Variants in ANXA8 observed in about 807,000 individuals in gnomAD.
The protein encoded by ANXA8 is annexin A8, also known as VAC-beta.
ANXA8 carries 9 observed loss-of-function variants against 26.8 expected under a neutral mutation model. That is an observed-to-expected ratio of 0.34 (90% confidence interval 0.20 to 0.59). The LOEUF is 0.59. Ranked by LOEUF, ANXA8 falls within the 20% of genes least tolerant of loss-of-function variation. ANXA8 has a pLI of 0.84. For synonymous variants in ANXA8, 39 were observed against 94.8 expected (o/e 0.41, Z 3.42); for missense variants, 83 against 238.5 (o/e 0.35, Z 4.29).
At chr10:47,733,171 T>C in the ANXA8 span, among the ~76,000 whole-genome samples, 1 of 100,814 alleles carries the variant, frequency 9.9e-6, no homozygotes, top group African/African-American at 3.2e-5. Flanking sequence ...CTTTCTTTCT[T>C]TCTTTCTTTC....
At chr10:47,646,594 A>C in the ANXA8 span, among the ~76,000 whole-genome samples, 2 of 150,010 alleles carry the variant, frequency 1.3e-5, no homozygotes, top group Non-Finnish European at 3.0e-5. Context: ...AAAGACCAAC[A>C]TTTTTACAAT....
At chr10:47,991,486 C>T in the ANXA8 span, among the ~76,000 whole-genome samples, 2 of 145,454 alleles carry the variant, frequency 1.4e-5, no homozygotes, top group East Asian at 2.0e-4. Flanking sequence ...CAGGTCCCAT[C>T]CCTGCCGTGG....
the ANXA8 span, among the ~76,000 whole-genome samples, chr10:47,553,686 C>T: frequency 6.6e-6 from 1 of 150,732 alleles, no homozygotes; most frequent in Non-Finnish European, 1.5e-5. Context: ...ACCGGGTCCG[C>T]GTCCCTCCCG....
the ANXA8 span, among the ~76,000 whole-genome samples, chr10:47,616,103 G>A: frequency 1.4e-4 from 9 of 66,352 alleles, 4 homozygotes; most frequent in Non-Finnish European, 3.3e-4. Context: ...TCTGGCAGCA[G>A]ACTTTTCAGT....
chr10:47,619,364 T>C, the ANXA8 span, among the ~76,000 whole-genome samples: 4 of 113,248 alleles, frequency 3.5e-5, no homozygotes, highest in Middle Eastern at 4.3e-3. Context: ...ACAATGAGAA[T>C]GTCCACGAGT....
At chr10:47,654,217 G>A in the ANXA8 span, among the ~76,000 whole-genome samples, 1 of 148,486 alleles carries the variant, frequency 6.7e-6, no homozygotes. Context: ...GTTAAAACGT[G>A]AATTGGATAT....
the ANXA8 span, among the ~76,000 whole-genome samples, chr10:47,624,012 G>T: frequency 3.0e-5 from 3 of 98,766 alleles, 1 homozygote; most frequent in African/African-American, 1.2e-4. Context: ...TGAGAAGGGC[G>T]GATCGCGAGG....
chr10:47,493,462 T>C, the ANXA8 span, among the ~76,000 whole-genome samples: 1 of 148,788 alleles, frequency 6.7e-6, no homozygotes, highest in Non-Finnish European at 1.5e-5. Flanking sequence ...CCCTGTTTCT[T>C]CTGAGGCTGT....
chr10:47,769,262 A>G, the ANXA8 span, among the ~76,000 whole-genome samples: 1 of 150,218 alleles, frequency 6.7e-6, no homozygotes, highest in Admixed American at 6.6e-5. Context: ...GAGGTAAGGC[A>G]TCTTACGAGA....
At chr10:47,946,444 C>T in the ANXA8 span, among the ~76,000 whole-genome samples, 7 of 150,512 alleles carry the variant, frequency 4.7e-5, no homozygotes, top group Admixed American at 4.6e-4. Context: ...GTCTTATTCC[C>T]AACATCAAGG....
chr10:47,701,426 T>C, the ANXA8 span, among the ~76,000 whole-genome samples: 1 of 151,906 alleles, frequency 6.6e-6, no homozygotes, highest in African/African-American at 2.4e-5. Context: ...AGGTTATTCA[T>C]TGCAGTATTG....
At chr10:47,687,421 C>T in the ANXA8 span, among the ~76,000 whole-genome samples, 12 of 151,610 alleles carry the variant, frequency 7.9e-5, no homozygotes, top group African/African-American at 2.4e-5. Flanking sequence ...GGTGCCATCA[C>T]GCCCTGGTGA....
the ANXA8 span, chr10:47,599,972 A>G: frequency 6.7e-6 from 1 of 149,702 alleles, no homozygotes; most frequent in Non-Finnish European, 1.5e-5. Context: ...TGTACAGATT[A>G]TGGTATAATT....
chr10:47,740,449 C>T, the ANXA8 span, among the ~76,000 whole-genome samples: 9 of 133,570 alleles, frequency 6.7e-5, 1 homozygote, highest in Non-Finnish European at 1.3e-4. Context: ...TGTAACTGAA[C>T]CCCAAACAAG....
the ANXA8 span, among the ~76,000 whole-genome samples, chr10:47,891,593 GAA>G: frequency 0.018 from 47 of 2,674 alleles, 1 homozygote; most frequent in African/African-American, 0.065. Context: ...CAAATAAATA[GAA>G]AAAAAAAAAA....
rs1422159065 is a variant in ANXA8 at position 47,483,833 on chromosome 10, C to G, written c.21+80G>C. The G allele has an allele frequency of 5.5e-5, 89 of 1,611,154 alleles. 2 individuals are homozygous for G. Among genetic ancestry groups the G allele is most frequent in the Middle Eastern group, 2.2e-4 (1 of 4,450 alleles). On this transcript the variant is annotated intron_variant, in intron 1 of 11. Coordinates refer to ENST00000585281, the MANE Select transcript of ANXA8 (RefSeq NM_001040084.3). ...CTGAGCCACTCCCAGCCAAGGGCGA[C>G]TTTACATTTCTCAGGACTCCCTGGT...
the ANXA8 span, among the ~76,000 whole-genome samples, chr10:47,516,818 C>G: frequency 7.7e-6 from 1 of 129,222 alleles, no homozygotes; most frequent in African/African-American, 3.6e-5. Flanking sequence ...AGAAAATAGG[C>G]AAATGAATAT....
At chr10:47,694,335 T>C in the ANXA8 span, among the ~76,000 whole-genome samples, 1 of 151,272 alleles carries the variant, frequency 6.6e-6, no homozygotes, top group Non-Finnish European at 1.5e-5. Context: ...TTTTCTGTTG[T>C]CCTAATGAGT....
chr10:47,670,576 T>TTTTG, the ANXA8 span, among the ~76,000 whole-genome samples: 27 of 151,960 alleles, frequency 1.8e-4, no homozygotes, highest in Admixed American at 1.8e-3. Context: ...TGTAAAGTGG[T>TTTTG]ATCTTTTTGT....
Sources: allele counts gnomAD v4.1 joint callset (sites outside exome capture counted in the v4.1 genomes callset), GRCh38; gene constraint gnomAD v4.1.1; transcripts MANE v1.5; gene names NCBI Gene and HGNC (gene_info 2026-07-23, HGNC 2026-07-21).